The following PXDNL variants were observed in gnomAD, a reference collection of about 807,000 sequenced individuals.
PXDNL encodes peroxidasin like.
Under a neutral mutation model 150.8 loss-of-function variants are expected in PXDNL, and 145 were observed. That is an observed-to-expected ratio of 0.96 (90% CI 0.84 to 1.10). The LOEUF (loss-of-function observed/expected upper bound fraction) is 1.10. Ranked by LOEUF, PXDNL falls within the 50% of genes least tolerant of loss-of-function variation. The probability of loss-of-function intolerance (pLI) is 0.00; values close to 1 mark genes in which losing one functional copy is unlikely to be tolerated. For synonymous variants in PXDNL, 757 were observed against 725.7 expected (o/e 1.04, Z -0.69); for missense variants, 2,087 against 1,873.9 (o/e 1.11, Z -2.10).
At chr8:51,466,905 T>C (rs1047363448) in intron 8 of PXDNL, among the ~76,000 whole-genome samples, 1 of 152,082 alleles carries the variant, frequency 6.6e-6, no homozygotes, top group Non-Finnish European at 1.5e-5. Flanking sequence ...ACAGGTCTTG[T>C]TGGGGCTGCA....
At chr8:51,595,471 G>A (rs970951889) in intron 2 of PXDNL, among the ~76,000 whole-genome samples, 2 of 152,116 alleles carry the variant, frequency 1.3e-5, no homozygotes, top group African/African-American at 4.8e-5. Flanking sequence ...TACTCCACAA[G>A]TGAATCATTA....
Position 51,498,381 on chromosome 8 carries a change from T to C in PXDNL, c.452+1318A>G, listed in dbSNP as rs1428997626. 2.0e-5 allele frequency among the ~76,000 whole-genome samples: 3 copies of C among 151,884 alleles called. No individual in the cohort carries two copies. In the East Asian group the frequency reaches 5.8e-4, roughly 29 times the overall value. Reference sequence around the variant, plus strand: ...CACCAACATGGCACATGTATACATATGTAACTAACCTGCATGTTGTACACA... The same window carrying C: ...CACCAACATGGCACATGTATACATACGTAACTAACCTGCATGTTGTACACA... On this transcript the variant is annotated intron_variant, in intron 5 of 22. Coordinates refer to ENST00000356297, the MANE Select transcript of PXDNL (RefSeq NM_144651.5).
intron 1 of PXDNL, 65 bp downstream of exon 1, chr8:51,809,116 G>A (rs891450766): frequency 1.3e-6 from 2 of 1,537,518 alleles, no homozygotes; most frequent in Non-Finnish European, 1.8e-6. Flanking sequence ...AAAGGACACA[G>A]GTCCTAGCAG....
chr8:51,806,793 C>A (rs1431297359), intron 1 of PXDNL, among the ~76,000 whole-genome samples: 1 of 152,160 alleles, frequency 6.6e-6, no homozygotes, highest in African/African-American at 2.4e-5. Context: ...CATCAATTAG[C>A]TAAGTAACTG....
intron 18 of PXDNL, among the ~76,000 whole-genome samples, chr8:51,373,169 C>G (rs1807181280): frequency 6.6e-6 from 1 of 152,148 alleles, no homozygotes; most frequent in African/African-American, 2.4e-5. Context: ...TGTGTGAGCC[C>G]TAACCCAGTA....
intron 1 of PXDNL, among the ~76,000 whole-genome samples, chr8:51,750,841 G>A (rs763806577): frequency 1.3e-5 from 2 of 152,308 alleles, no homozygotes; most frequent in East Asian, 1.9e-4. Flanking sequence ...TACTATCCGC[G>A]GTTTCGGGCA....
chr8:51,414,837 G>C (rs1014454340), intron 14 of PXDNL, among the ~76,000 whole-genome samples: 5 of 152,124 alleles, frequency 3.3e-5, no homozygotes, highest in African/African-American at 1.2e-4. Context: ...AAAGAGGAAA[G>C]CTCAAAAGTT....
At chr8:51,601,095 A>AG (rs1813711525) in intron 2 of PXDNL, among the ~76,000 whole-genome samples, 1 of 150,196 alleles carries the variant, frequency 6.7e-6, no homozygotes, top group Non-Finnish European at 1.5e-5. Context: ...ATCTTGGTAT[A>AG]ATTTTGATTC....
intron 1 of PXDNL, among the ~76,000 whole-genome samples, chr8:51,746,161 T>G (rs1182986498): frequency 1.3e-5 from 2 of 152,196 alleles, no homozygotes; most frequent in Admixed American, 1.3e-4. Flanking sequence ...AGCCATCATC[T>G]CTAGATTTAG....
chr8:51,508,313 T>C (rs4299996), intron 4 of PXDNL, among the ~76,000 whole-genome samples: 55,618 of 152,094 alleles, frequency 0.37, 11,290 homozygotes, highest in African/African-American at 0.54. Flanking sequence ...AAGAGAAATG[T>C]AGAAAAGAAA....
chr8:51,404,384 G>A (rs1808373806), intron 17 of PXDNL, among the ~76,000 whole-genome samples: 1 of 149,814 alleles, frequency 6.7e-6, no homozygotes, highest in Admixed American at 6.6e-5. Flanking sequence ...CAATCCCTGA[G>A]CTAGACACAG....
intron 1 of PXDNL, among the ~76,000 whole-genome samples, chr8:51,799,675 C>T (rs1362194415): frequency 1.3e-5 from 2 of 152,120 alleles, no homozygotes; most frequent in African/African-American, 4.8e-5. Context: ...AAATATAGAC[C>T]ATGGCAAAAT....
At chr8:51,447,323 A>T (rs1809699358) in intron 11 of PXDNL, among the ~76,000 whole-genome samples, 161 bp from the exon 12 acceptor site, 1 of 152,228 alleles carries the variant, frequency 6.6e-6, no homozygotes, top group African/African-American at 2.4e-5. Flanking sequence ...CCAGAAACAC[A>T]GCACCCCCAT....
intron 2 of PXDNL, among the ~76,000 whole-genome samples, chr8:51,644,405 C>CATATGTATATATATATACAT (rs10685147): frequency 6.0e-5 from 5 of 82,702 alleles, no homozygotes; most frequent in South Asian, 5.3e-4. Context: ...TATATATACA[C>CATATGTATATATATATACAT]ATGTGTGTGT....
intron 1 of PXDNL, among the ~76,000 whole-genome samples, chr8:51,779,726 A>C (rs2037392087): frequency 6.6e-6 from 1 of 152,264 alleles, no homozygotes; most frequent in Non-Finnish European, 1.5e-5. Context: ...AGGCTGCCAC[A>C]TAATAGTTGG....
chr8:51,667,686 T>G (rs988536873), intron 1 of PXDNL, among the ~76,000 whole-genome samples: 1 of 152,194 alleles, frequency 6.6e-6, no homozygotes, highest in Non-Finnish European at 1.5e-5. Flanking sequence ...GTGCCAAGAA[T>G]GTGACCACAA....
chr8:51,680,486 G>A (rs1261151842), intron 1 of PXDNL, among the ~76,000 whole-genome samples: 3 of 152,078 alleles, frequency 2.0e-5, no homozygotes, highest in Admixed American at 6.5e-5. Flanking sequence ...ATTTAATCTT[G>A]TATATGTGTG....
At chr8:51,744,880 GA>G (rs1355767444) in intron 1 of PXDNL, among the ~76,000 whole-genome samples, 1 of 145,786 alleles carries the variant, frequency 6.9e-6, no homozygotes, top group African/African-American at 2.5e-5. Context: ...AAGGGAAAGA[GA>G]AAGAGAAGGA....
At chr8:51,342,513 T>G (rs1444946816) in intron 20 of PXDNL, among the ~76,000 whole-genome samples, 1 of 133,220 alleles carries the variant, frequency 7.5e-6, no homozygotes, top group African/African-American at 3.7e-5. Flanking sequence ...GATTTCTGAT[T>G]GAAAAAAAAT....
Sources: gnomAD v4.1 joint callset for allele counts (sites outside exome capture counted in the v4.1 genomes callset) on GRCh38, gnomAD v4.1.1 for gene constraint, MANE v1.5 for transcripts, NCBI Gene and HGNC (gene_info 2026-07-23, HGNC 2026-07-21) for gene names.